The following MYO3A variants were observed in gnomAD, a reference collection of about 807,000 sequenced individuals.
MYO3A encodes myosin IIIA.
Under a neutral mutation model 192.7 loss-of-function variants are expected in MYO3A, and 180 were observed. The ratio of observed to expected loss-of-function variants is 0.93; its 90% CI spans 0.83 to 1.06. The LOEUF is 1.06. Among genes scored for constraint, MYO3A ranks in the 50% least tolerant of loss-of-function variants. MYO3A has a pLI of 0.00. For missense variants in MYO3A, 1,896 were observed against 1,905.0 expected (o/e 1.00, Z 0.09); for synonymous variants, 628 against 645.3 (o/e 0.97, Z 0.41).
At chr10:26,008,268 A>G (rs1035621766) in intron 6 of MYO3A, among the ~76,000 whole-genome samples, 17 of 148,124 alleles carry the variant, frequency 1.1e-4, no homozygotes, top group Admixed American at 2.0e-4. Flanking sequence ...TAGACCTAAA[A>G]CCATAAAAAC....
intron 4 of MYO3A, among the ~76,000 whole-genome samples, chr10:25,964,175 A>G (rs1411805322): frequency 6.6e-6 from 1 of 152,168 alleles, no homozygotes; most frequent in East Asian, 1.9e-4. Context: ...TAGTGGTTAC[A>G]TGATTGTATA....
At chr10:26,170,287 G>A (rs1217769404) in intron 28 of MYO3A, 129 bp from the exon 29 acceptor site, 7 of 1,008,322 alleles carry the variant, frequency 6.9e-6, no homozygotes, top group Non-Finnish European at 1.0e-5. Flanking sequence ...AAGTGAACCT[G>A]TTCTATTTGG....
intron 4 of MYO3A, 90 bp from the exon 5 acceptor site, chr10:25,996,400 C>T (rs955679265): frequency 3.0e-6 from 3 of 1,008,952 alleles, no homozygotes; most frequent in African/African-American, 1.6e-5. Flanking sequence ...AACATTGGAA[C>T]ACTTTTAAAA....
intron 17 of MYO3A, among the ~76,000 whole-genome samples, chr10:26,103,636 T>C (rs908568997): frequency 1.3e-5 from 2 of 152,254 alleles, no homozygotes; most frequent in Admixed American, 6.5e-5. Flanking sequence ...CTATTATGAA[T>C]AATGCTGCTA....
intron 6 of MYO3A, among the ~76,000 whole-genome samples, chr10:26,012,351 C>T (rs1405953965): frequency 6.6e-6 from 1 of 152,054 alleles, no homozygotes; most frequent in Non-Finnish European, 1.5e-5. Flanking sequence ...CCTAAAGACT[C>T]CTCCAAAAAA....
chr10:26,071,909 A>T (rs1833709955), intron 14 of MYO3A, among the ~76,000 whole-genome samples: 1 of 152,194 alleles, frequency 6.6e-6, no homozygotes, highest in Non-Finnish European at 1.5e-5. Context: ...CTCCATTCTC[A>T]CACTGCTATA....
intron 10 of MYO3A, among the ~76,000 whole-genome samples, chr10:26,030,551 AT>A (rs1325933517): frequency 3.3e-5 from 5 of 152,306 alleles, no homozygotes; most frequent in Non-Finnish European, 5.9e-5. Flanking sequence ...CTGGCAACAC[AT>A]TAAACAAAAG....
At chr10:26,100,725 C>G (rs1356945683) in intron 17 of MYO3A, among the ~76,000 whole-genome samples, 7 of 152,274 alleles carry the variant, frequency 4.6e-5, no homozygotes, top group African/African-American at 1.7e-4. Context: ...TTTCTTAATC[C>G]TGAGTTCTAG....
At chr10:26,007,316 C>T (rs924578557) in intron 6 of MYO3A, among the ~76,000 whole-genome samples, 42 of 150,682 alleles carry the variant, frequency 2.8e-4, no homozygotes, top group African/African-American at 8.4e-4. Flanking sequence ...CTTTGAAAAC[C>T]GGCACAAGAC....
At chr10:26,126,771 C>G (rs1306726204) in intron 19 of MYO3A, among the ~76,000 whole-genome samples, 1 of 152,136 alleles carries the variant, frequency 6.6e-6, no homozygotes, top group African/African-American at 2.4e-5. Flanking sequence ...GAAGGGGGAT[C>G]TACTATATCC....
intron 19 of MYO3A, among the ~76,000 whole-genome samples, chr10:26,127,195 G>A (rs905157257): frequency 2.0e-5 from 3 of 152,018 alleles, no homozygotes; most frequent in South Asian, 2.1e-4. Context: ...ATATGCCCAC[G>A]AAAATATTGC....
chr10:26,058,828 A>G (rs1834285242), intron 10 of MYO3A, among the ~76,000 whole-genome samples: 2 of 152,220 alleles, frequency 1.3e-5, no homozygotes, highest in South Asian at 2.1e-4. Context: ...GAGTCTTCCT[A>G]TCCATGAACA....
intron 10 of MYO3A, among the ~76,000 whole-genome samples, chr10:26,058,174 G>C (rs12248769): frequency 0.47 from 71,948 of 152,076 alleles, 17,867 homozygotes; most frequent in Middle Eastern, 0.59. Flanking sequence ...CTGTCAATTA[G>C]TGATCTTTTT....
rs967272130 is a variant in MYO3A, at chr10:26,125,202, C to T, written c.1904-196C>T. Among the ~76,000 whole-genome samples, 3 of 152,128 alleles carry T rather than the reference C, an allele frequency of 2.0e-5. No individual in the cohort carries two copies. The South Asian group carries it at 6.2e-4, about 32-fold the overall frequency. On this transcript the variant is annotated intron_variant, in intron 18 of 34. Transcript: ENST00000642920. ...ATAATATGCAGTAACCTAAGTTTAA[C>T]CAGCTGAGAAAAGTTGAGAAAAATG...
chr10:25,993,673 C>T (rs1229442761), intron 4 of MYO3A, among the ~76,000 whole-genome samples: 2 of 152,222 alleles, frequency 1.3e-5, no homozygotes, highest in Middle Eastern at 3.2e-3. Context: ...TCCCTCTACA[C>T]ACTGCTTTAA....
chr10:26,187,891 T>C (rs1017572851), intron 31 of MYO3A, among the ~76,000 whole-genome samples: 2 of 152,146 alleles, frequency 1.3e-5, no homozygotes, highest in Non-Finnish European at 2.9e-5. Context: ...CAGTCTATCA[T>C]TGTTGGACAT....
At chr10:25,978,074 A>G (rs1314918243) in intron 4 of MYO3A, among the ~76,000 whole-genome samples, 9 of 152,176 alleles carry the variant, frequency 5.9e-5, no homozygotes, top group Non-Finnish European at 1.2e-4. Flanking sequence ...AAGGCTTTTT[A>G]TATTTTCAAA....
chr10:26,144,861 G>A (rs1341948916), intron 21 of MYO3A, among the ~76,000 whole-genome samples: 4 of 152,066 alleles, frequency 2.6e-5, no homozygotes, highest in African/African-American at 4.8e-5. Flanking sequence ...GAAACTCTGC[G>A]ATTAGGGCCC....
chr10:26,026,825 C>G (rs745655855), intron 10 of MYO3A, among the ~76,000 whole-genome samples: 1 of 152,164 alleles, frequency 6.6e-6, no homozygotes, highest in Non-Finnish European at 1.5e-5. Flanking sequence ...CCTCAGCCTC[C>G]CTAGTAGCTG....
Sources: allele counts gnomAD v4.1 joint callset (sites outside exome capture counted in the v4.1 genomes callset), GRCh38; gene constraint gnomAD v4.1.1; transcripts MANE v1.5; gene names NCBI Gene and HGNC (gene_info 2026-07-23, HGNC 2026-07-21).